NUDCD1: variants seen among roughly 807,000 people sequenced by gnomAD.
NUDCD1 encodes the protein NudC domain containing 1, also known as nudC domain-containing protein 1.
NUDCD1 carries 60 observed loss-of-function variants against 67.8 expected under a neutral mutation model. The observed-to-expected ratio is 0.88, with a 90% confidence interval of 0.72 to 1.10. NUDCD1 has a LOEUF of 1.10. NUDCD1 is among the 50% of genes least tolerant of loss of function. The pLI is 0.00. For missense variants in NUDCD1, 643 were observed against 695.0 expected, an observed-to-expected ratio of 0.93 and a Z score of 0.84; for synonymous variants, 244 against 230.8, an observed-to-expected ratio of 1.06 and a Z score of -0.52.
chr8:109,261,172 C>T lies in NUDCD1; in HGVS notation c.1299+9833G>A, dbSNP rs149598172. On this transcript the variant is annotated intron_variant, in intron 8 of 9. Transcript: ENST00000239690. The stretch of plus-strand genomic sequence containing the variant: ...ATTATAGTATAAGCCTATATGACAG[C>T]ATGCAATATATTAGTATAAAATGCT... Among the ~76,000 whole-genome samples the T allele has an allele frequency of 4.2e-3, 632 of 152,174 alleles. 6 individuals are homozygous for T. Among genetic ancestry groups the T allele is most frequent in the African/African-American group, 0.015 (606 of 41,518 alleles).
chr8:109,314,795 CAAGT>C, intron 2 of NUDCD1, among the ~76,000 whole-genome samples: 1 of 151,988 alleles, frequency 6.6e-6, no homozygotes, highest in South Asian at 2.1e-4. Flanking sequence ...AAACAGTAAA[CAAGT>C]AATACATAAA....
intron 5 of NUDCD1, among the ~76,000 whole-genome samples, chr8:109,281,863 C>T (rs1229338781): frequency 6.6e-6 from 1 of 152,178 alleles, no homozygotes; most frequent in Non-Finnish European, 1.5e-5. Context: ...ATTCAAAGCA[C>T]CTGTTTGCCT....
chr8:109,241,292 GCAC>G lies in NUDCD1; in HGVS notation c.*1714_*1716del, dbSNP rs1346151127. On this transcript the variant is annotated 3_prime_UTR_variant, in exon 10 of 10. Coordinates refer to ENST00000239690, the MANE Select transcript of NUDCD1 (RefSeq NM_032869.4). ...TATATACATAGTCATGGTTAATTAA[GCAC>G]CACATTTTTATTATACATTTTTCTT... 4.6e-5 allele frequency: 7 copies of G among 152,140 alleles called. No homozygotes were observed. The highest frequency in any genetic ancestry group is 2.6e-4 in the Admixed American group (4 of 15,250). The allele number at this position is 152,140 out of a possible 1,614,324, so 9.4% of individuals were successfully genotyped here.
At chr8:109,331,385 G>T (rs909735228) in intron 1 of NUDCD1, among the ~76,000 whole-genome samples, 1 of 151,792 alleles carries the variant, frequency 6.6e-6, no homozygotes, top group Non-Finnish European at 1.5e-5. Flanking sequence ...GCATGGTGGC[G>T]GGCGCCTGTA....
chr8:109,298,297 A>C, intron 2 of NUDCD1, among the ~76,000 whole-genome samples: 1 of 152,130 alleles, frequency 6.6e-6, no homozygotes, highest in African/African-American at 2.4e-5. Flanking sequence ...GAGAGAACAG[A>C]GACTATCAAT....
intron 8 of NUDCD1, among the ~76,000 whole-genome samples, chr8:109,247,887 C>T (rs568960637): frequency 6.6e-6 from 1 of 151,916 alleles, no homozygotes; most frequent in South Asian, 2.1e-4. Flanking sequence ...GGATGAATAA[C>T]GTCCCCCAAA....
chr8:109,293,570 G>T, intron 3 of NUDCD1, 46 bp from the exon 4 acceptor site: 2 of 1,057,210 alleles, frequency 1.9e-6, no homozygotes, highest in South Asian at 1.8e-5. Flanking sequence ...ATAATTACAT[G>T]AACACAGATA....
At chr8:109,276,054 AG>A (rs745573693) in intron 6 of NUDCD1, among the ~76,000 whole-genome samples, 2 of 152,232 alleles carry the variant, frequency 1.3e-5, no homozygotes, top group Non-Finnish European at 2.9e-5. Flanking sequence ...AGTAGAAATA[AG>A]GAAAAAAATT....
intron 8 of NUDCD1, among the ~76,000 whole-genome samples, chr8:109,261,071 A>AG (rs932611913): frequency 2.0e-5 from 3 of 152,198 alleles, no homozygotes; most frequent in African/African-American, 7.2e-5. Flanking sequence ...AAATACATGT[A>AG]GGGGGGTATT....
At chr8:109,313,828 CTAAT>C (rs1268989716) in intron 2 of NUDCD1, 3 of 1,105,766 alleles carry the variant, frequency 2.7e-6, no homozygotes, top group African/African-American at 3.2e-5. Flanking sequence ...TGCTAGAAGT[CTAAT>C]TATCAATCAG....
At chr8:109,301,266 G>A (rs1171400375) in intron 2 of NUDCD1, among the ~76,000 whole-genome samples, 1 of 152,068 alleles carries the variant, frequency 6.6e-6, no homozygotes, top group Non-Finnish European at 1.5e-5. Context: ...TCCTTAAGAA[G>A]GTACTTTGTA....
At chr8:109,297,295 T>A (rs1391034684) in intron 2 of NUDCD1, among the ~76,000 whole-genome samples, 1 of 152,226 alleles carries the variant, frequency 6.6e-6, no homozygotes, top group Non-Finnish European at 1.5e-5. Flanking sequence ...TTTAGCCTAC[T>A]ATGAATCTAG....
intron 2 of NUDCD1, among the ~76,000 whole-genome samples, chr8:109,312,919 T>C (rs1356715983): frequency 1.3e-5 from 2 of 152,216 alleles, no homozygotes; most frequent in African/African-American, 2.4e-5. Context: ...GCTACAAATA[T>C]GACCAGGCCA....
Position 109,245,337 on chromosome 8 carries a change from T to C in NUDCD1, c.1444A>G (p.Thr482Ala), listed in dbSNP as rs575612770. The change falls in exon 9 of 10, where the codon ACT (threonine) becomes GCT (alanine). Residue 482 changes from threonine (T) to alanine (A), a missense_variant. By Grantham distance (58) the Thr-to-Ala change is moderately conservative. Coordinates refer to ENST00000239690, the MANE Select transcript of NUDCD1 (RefSeq NM_032869.4). Reference sequence around the variant, plus strand: ...TGCTTTATACCTAAAGCATTGAAAGTTGCGATGTGCTCCCACATATCATCT... The same window carrying C: ...TGCTTTATACCTAAAGCATTGAAAGCTGCGATGTGCTCCCACATATCATCT... Reference protein sequence around the residue: ...KQDDMWEHIATFNALGYVQAS... With the variant: ...KQDDMWEHIAAFNALGYVQAS... 5.0e-6 allele frequency: 8 copies of C among 1,613,216 alleles called. No individual in the cohort carries two copies. In the African/African-American group the frequency reaches 8.0e-5, roughly 16 times the overall value.
chr8:109,333,790 G>T, intron 1 of NUDCD1, 103 bp downstream of exon 1: 1 of 1,266,778 alleles, frequency 7.9e-7, no homozygotes, highest in Non-Finnish European at 1.1e-6. Context: ...CGCCACGGTG[G>T]CTTCGCTTGC....
intron 2 of NUDCD1, among the ~76,000 whole-genome samples, chr8:109,305,409 G>A (rs1481874580): frequency 6.6e-5 from 10 of 152,006 alleles, no homozygotes; most frequent in Admixed American, 3.9e-4. Flanking sequence ...TTGGTATTCA[G>A]TGGAAACTTC....
chr8:109,286,950 T>C (rs1262385898), intron 5 of NUDCD1, among the ~76,000 whole-genome samples: 1 of 152,040 alleles, frequency 6.6e-6, no homozygotes, highest in Non-Finnish European at 1.5e-5. Flanking sequence ...CATTAAACAA[T>C]GGGCAAAAGA....
At chr8:109,313,449 T>G (rs1815306480) in intron 2 of NUDCD1, among the ~76,000 whole-genome samples, 1 of 152,190 alleles carries the variant, frequency 6.6e-6, no homozygotes, top group African/African-American at 2.4e-5. Flanking sequence ...CATGCTGACC[T>G]GTTAAGAATG....
chr8:109,300,629 G>A (rs1233230820), intron 2 of NUDCD1, among the ~76,000 whole-genome samples: 1 of 152,062 alleles, frequency 6.6e-6, no homozygotes, highest in Non-Finnish European at 1.5e-5. Flanking sequence ...AAGAACAATC[G>A]GCATTCCTGT....
Sources: allele counts gnomAD v4.1 joint callset (sites outside exome capture counted in the v4.1 genomes callset), GRCh38; gene constraint gnomAD v4.1.1; transcripts MANE v1.5; gene names NCBI Gene and HGNC (gene_info 2026-07-23, HGNC 2026-07-21).